ACSM2A: variants seen among roughly 807,000 people sequenced by gnomAD.
The protein encoded by ACSM2A is acyl-CoA synthetase medium chain family member 2A, also known as acyl-coenzyme A synthetase ACSM2A, mitochondrial.
Under a neutral mutation model 76.6 loss-of-function variants are expected in ACSM2A, and 72 were observed. The observed-to-expected ratio is 0.94, with a 90% CI of 0.78 to 1.14. The LOEUF (loss-of-function observed/expected upper bound fraction) is 1.14, where lower values mean the gene tolerates loss of function less well. Ranked by LOEUF, ACSM2A falls within the 50% of genes most tolerant of loss-of-function variation. The pLI is 0.00. For synonymous variants in ACSM2A, 249 were observed against 255.9 expected (o/e 0.97, Z 0.26); for missense variants, 684 against 708.5 (o/e 0.97, Z 0.39).
chr16:20,465,869 C>T (rs1808688712), intron 3 of ACSM2A, 142 bp downstream of exon 3: 2 of 1,429,268 alleles, frequency 1.4e-6, no homozygotes, highest in African/African-American at 1.4e-5. Flanking sequence ...CATCTCCCTA[C>T]TTCCACTTAT....
At chr16:20,454,660 T>C (rs1420080457) in intron 1 of ACSM2A, among the ~76,000 whole-genome samples, 1 of 151,808 alleles carries the variant, frequency 6.6e-6, no homozygotes, top group Non-Finnish European at 1.5e-5. Flanking sequence ...ATCTGAACAA[T>C]AGCCTTGAGC....
At chr16:20,458,542 G>A (rs2012348115) in intron 1 of ACSM2A, among the ~76,000 whole-genome samples, 1 of 142,472 alleles carries the variant, frequency 7.0e-6, no homozygotes, top group Non-Finnish European at 1.5e-5. Context: ...CAATATAAAT[G>A]TATAATACCC....
chr16:20,470,755 T>G (rs2013338084), intron 4 of ACSM2A: 2 of 528,482 alleles, frequency 3.8e-6, no homozygotes, highest in South Asian at 1.5e-5. Context: ...TACTAAGCAA[T>G]TTGCTCATTT....
rs185165368 is a variant in ACSM2A at position 20,461,430 on chromosome 16, A to G, written c.177+1139A>G. On this transcript the variant is annotated intron_variant, in intron 2 of 13. Coordinates refer to ENST00000573854, the MANE Select transcript of ACSM2A (RefSeq NM_001308172.2). ...AATATTCAGGAAGGCCCTTACTACC[A>G]TGACTCACCATTCTGAATCCATAAA... Among the ~76,000 whole-genome samples, 909 of 152,330 alleles carry G rather than the reference A, an allele frequency of 6.0e-3. 6 individuals carry two copies. Among genetic ancestry groups the G allele is most frequent in the African/African-American group, 0.021 (870 of 41,574 alleles).
At chr16:20,455,871 A>G (rs1310723353) in intron 1 of ACSM2A, among the ~76,000 whole-genome samples, 7 of 151,766 alleles carry the variant, frequency 4.6e-5, no homozygotes, top group African/African-American at 1.7e-4. Flanking sequence ...TATTGATAAG[A>G]ATATGCCAAC....
intron 1 of ACSM2A, among the ~76,000 whole-genome samples, chr16:20,455,098 A>T (rs1231501708): frequency 1.6e-5 from 2 of 125,622 alleles, no homozygotes; most frequent in Non-Finnish European, 3.3e-5. Flanking sequence ...AACAAAGACA[A>T]AGAAAAAAAA....
At position 20,486,883 on chromosome 16, in the gene ACSM2A, G is replaced by C. The variant is rs1291635856; in HGVS notation, c.*205G>C. The C allele has an allele frequency of 9.3e-6, 5 of 540,490 alleles. No individual in the cohort carries two copies. The South Asian group carries it at 1.9e-4, about 20-fold the overall frequency. 33.5% of individuals were successfully genotyped at this position (540,490 alleles called of 1,614,324 possible). On this transcript the variant is annotated 3_prime_UTR_variant, in exon 14 of 14. Transcript: ENST00000573854. ...GGAATGAGAGAGAGTGAAAAGGAGA[G>C]GGTAACAGAAAAAAAGGAAAGAAAA...
chr16:20,483,324 C>A, intron 13 of ACSM2A, 147 bp downstream of exon 13: 1 of 1,316,420 alleles, frequency 7.6e-7, no homozygotes, highest in East Asian at 2.9e-5. Flanking sequence ...AATCCCAGCA[C>A]TTTGGGAGGC....
chr16:20,475,770 A>G lies in ACSM2A; in HGVS notation c.1095A>G (p.Glu365=), dbSNP rs1283602315. Residue 365 remains glutamate, a synonymous_variant, in exon 8 of 14, where the codon GAA becomes GAG. Coordinates refer to ENST00000573854, the MANE Select transcript of ACSM2A (RefSeq NM_001308172.2). The stretch of plus-strand genomic sequence containing the variant: ...TCCGAGAATCCTATGGCCAGACAGA[A>G]ACGGTACCTGTTCCCAGGGGAACCA... The part of the protein sequence containing the change: ...LDIRESYGQT[E]TGLTCMVSKT... The G allele has an allele frequency of 1.2e-6, 2 of 1,613,904 alleles. No homozygotes were observed. The highest frequency in any genetic ancestry group is 1.7e-6 in the Non-Finnish European group (2 of 1,179,830).
At chr16:20,455,977 C>G (rs1237140869) in intron 1 of ACSM2A, among the ~76,000 whole-genome samples, 1 of 150,630 alleles carries the variant, frequency 6.6e-6, no homozygotes, top group Non-Finnish European at 1.5e-5. Flanking sequence ...CAAATGGACA[C>G]CATAAACAAG....
intron 9 of ACSM2A, among the ~76,000 whole-genome samples, 185 bp from the exon 10 acceptor site, chr16:20,478,391 T>C (rs891643963): frequency 6.6e-6 from 1 of 152,190 alleles, no homozygotes; most frequent in Non-Finnish European, 1.5e-5. Flanking sequence ...TCACCTAAAC[T>C]ATTCCAGGCA....
intron 10 of ACSM2A, among the ~76,000 whole-genome samples, chr16:20,480,083 G>A (rs1481728358): frequency 1.3e-5 from 2 of 152,194 alleles, no homozygotes; most frequent in Admixed American, 6.5e-5. Flanking sequence ...ATAAGCAAGT[G>A]CCTCAGCTGA....
chr16:20,477,312 T>A, intron 8 of ACSM2A, 57 bp from the exon 9 acceptor site: 1 of 1,573,892 alleles, frequency 6.4e-7, no homozygotes, highest in East Asian at 2.3e-5. Flanking sequence ...TTTTTTCTTT[T>A]TCTGTGACCT....
intron 3 of ACSM2A, among the ~76,000 whole-genome samples, chr16:20,466,991 C>G (rs2013038713): frequency 6.6e-6 from 1 of 152,156 alleles, no homozygotes; most frequent in South Asian, 2.1e-4. Context: ...TAAAGTTAGA[C>G]TATAAGTTAG....
At chr16:20,485,496 T>C (rs1232394646) in intron 13 of ACSM2A, among the ~76,000 whole-genome samples, 1 of 152,160 alleles carries the variant, frequency 6.6e-6, no homozygotes, top group African/African-American at 2.4e-5. Context: ...GGGGCCCAAA[T>C]AGTAAATATT....
chr16:20,458,606 A>G (rs1388532575), intron 1 of ACSM2A, among the ~76,000 whole-genome samples: 2 of 143,530 alleles, frequency 1.4e-5, no homozygotes, highest in East Asian at 2.0e-4. Flanking sequence ...TTTTATATAT[A>G]TATATATGTA....
intron 6 of ACSM2A, among the ~76,000 whole-genome samples, chr16:20,473,353 A>C (rs2013531852): frequency 6.6e-6 from 1 of 152,214 alleles, no homozygotes; most frequent in Non-Finnish European, 1.5e-5. Context: ...ATGAAAACAG[A>C]CATAAAATTA....
chr16:20,468,464 A>G (rs2013149327), intron 3 of ACSM2A, among the ~76,000 whole-genome samples: 1 of 152,254 alleles, frequency 6.6e-6, no homozygotes. Flanking sequence ...GGTTCAAGCA[A>G]TCCTCCTGCC....
chr16:20,469,592 A>G lies in ACSM2A; in HGVS notation c.469A>G (p.Ile157Val), dbSNP rs747937806. The G allele has an allele frequency of 8.7e-6, 14 of 1,613,782 alleles. No individual in the cohort carries two copies. The highest frequency in any genetic ancestry group is 7.6e-6 in the Non-Finnish European group (9 of 1,179,826). The part of the protein sequence containing the change: ...YRLQMSKAKA[I>V]VAGDEVIQEV... ...GTTGCAGATGTCTAAGGCCAAGGCT[A>G]TTGTTGCTGGGGATGAAGTCATCCA... Residue 157 changes from isoleucine to valine, a missense_variant, in exon 4 of 14, where the codon ATT becomes GTT. By Grantham distance (29) the Ile-to-Val change is conservative (BLOSUM62 3). Around this residue, in one of 3 missense-constraint regions of ACSM2A, gnomAD observed 519 missense variants for 549.5 expected, o/e 0.94. Transcript: ENST00000573854.
Sources: allele counts gnomAD v4.1 joint callset (sites outside exome capture counted in the v4.1 genomes callset), GRCh38; gene constraint gnomAD v4.1.1; regional missense constraint gnomAD v4.1.1; transcripts MANE v1.5; gene names NCBI Gene and HGNC (gene_info 2026-07-23, HGNC 2026-07-21).